SULT2B1: variants seen among roughly 807,000 people sequenced by gnomAD.
SULT2B1 encodes the protein sulfotransferase 2B1.
SULT2B1 carries 16 observed loss-of-function variants against 33.2 expected under a neutral mutation model. The observed-to-expected ratio is 0.48, with a 90% CI of 0.33 to 0.73. SULT2B1 has a LOEUF of 0.73. Among genes scored for constraint, SULT2B1 ranks in the 30% least tolerant of loss-of-function variants. The pLI is 0.02. For synonymous variants in SULT2B1, 186 were observed against 200.5 expected (o/e 0.93, Z 0.61); for missense variants, 500 against 506.0 (o/e 0.99, Z 0.11).
chr19:48,567,495 G>C (rs562092620), intron 1 of SULT2B1, among the ~76,000 whole-genome samples: 13 of 152,190 alleles, frequency 8.5e-5, no homozygotes, highest in African/African-American at 2.9e-4. Context: ...CCAGAAGGCA[G>C]AGGTTGCAGT....
chr19:48,576,173 G>A, intron 2 of SULT2B1, 90 bp downstream of exon 2: 1 of 1,238,088 alleles, frequency 8.1e-7, no homozygotes, highest in Non-Finnish European at 1.1e-6. Flanking sequence ...AAGGAGGGGA[G>A]GAGGAAAAGT....
At chr19:48,594,782 G>T (rs987211327) in intron 5 of SULT2B1, among the ~76,000 whole-genome samples, 2 of 152,220 alleles carry the variant, frequency 1.3e-5, no homozygotes, top group African/African-American at 4.8e-5. Context: ...ACTTTGGGAG[G>T]CCGAGGCAGG....
chr19:48,579,104 T>A (rs1025635481), intron 2 of SULT2B1, among the ~76,000 whole-genome samples: 1 of 152,032 alleles, frequency 6.6e-6, no homozygotes, highest in Non-Finnish European at 1.5e-5. Flanking sequence ...GAGCATCACG[T>A]TGTCAAGGTT....
rs1027668633 is a variant in SULT2B1, at chr19:48,587,372, C to T, written c.358C>T (p.Arg120Cys). Residue 120 changes from arginine (R) to cysteine (C), a missense_variant, in exon 3 of 7, where the codon CGC (arginine) becomes TGC (cysteine). Arg to Cys is a radical substitution (Grantham distance 180, BLOSUM62 -3). Coordinates refer to ENST00000201586, the MANE Select transcript of SULT2B1 (RefSeq NM_177973.2). Reference protein sequence around the residue: ...AFSLPDQYSPRLMSSHLPIQI... With the variant: ...AFSLPDQYSPCLMSSHLPIQI... ...CAGCCTCCCGGACCAGTACAGCCCC[C>T]GCCTCATGAGCTCCCATCTTCCCAT... is the stretch of plus-strand genomic sequence containing the variant. The T allele has an allele frequency of 7.4e-6, 12 of 1,613,958 alleles. No homozygotes were observed. Among genetic ancestry groups the T allele is most frequent in the East Asian group, 2.2e-5 (1 of 44,886 alleles).
At chr19:48,579,527 C>A (rs1275998379) in intron 2 of SULT2B1, among the ~76,000 whole-genome samples, 4 of 151,634 alleles carry the variant, frequency 2.6e-5, no homozygotes, top group Admixed American at 2.6e-4. Flanking sequence ...CATGATCCAC[C>A]CGTCTTGGCC....
chr19:48,586,643 G>A (rs1036841598), intron 2 of SULT2B1, among the ~76,000 whole-genome samples: 2 of 152,172 alleles, frequency 1.3e-5, no homozygotes, highest in Admixed American at 6.6e-5. Context: ...ATGGGGTTGG[G>A]TGGACAGCTC....
intron 1 of SULT2B1, among the ~76,000 whole-genome samples, chr19:48,566,850 A>AAAG (rs1291226326): frequency 3.3e-5 from 5 of 151,968 alleles, no homozygotes; most frequent in African/African-American, 1.2e-4. Flanking sequence ...AAAAAAAAAA[A>AAAG]AAATTAGAGG....
chr19:48,595,049 G>A (rs555776459), intron 5 of SULT2B1, among the ~76,000 whole-genome samples: 3 of 152,040 alleles, frequency 2.0e-5, no homozygotes, highest in South Asian at 2.1e-4. Flanking sequence ...TTGGGAGGCC[G>A]AAGTGAGCAG....
In SULT2B1 at chr19:48,599,300, C is replaced by T. The variant is rs1405985247; in HGVS notation, c.992C>T (p.Pro331Leu). The change falls in exon 7 of 7, where the codon CCC (proline) becomes CTC (leucine). Residue 331 changes from proline (P) to leucine (L), a missense_variant. Pro to Leu is a moderately conservative substitution (Grantham distance 98). Coordinates refer to ENST00000201586, the MANE Select transcript of SULT2B1 (RefSeq NM_177973.2). The surrounding 1 kb of genome is among the most constrained non-coding windows in gnomAD (Gnocchi z 4.1). ...PEPSPEPEPKPSLEPNTSLER... is the reference protein window; with the variant it reads ...PEPSPEPEPKLSLEPNTSLER... ...CCCAGCCCTGAGCCTGAGCCCAAGCCCAGCCTTGAGCCCAACACCAGCCTG... is the reference window on the plus strand; with the variant it reads ...CCCAGCCCTGAGCCTGAGCCCAAGCTCAGCCTTGAGCCCAACACCAGCCTG... The T allele has an allele frequency of 1.2e-6, 2 of 1,609,954 alleles. No homozygotes were observed. The highest frequency in any genetic ancestry group is 1.7e-6 in the Non-Finnish European group (2 of 1,178,350).
At chr19:48,581,474 T>TTTTTTTC (rs1973486699) in intron 2 of SULT2B1, among the ~76,000 whole-genome samples, 1 of 144,664 alleles carries the variant, frequency 6.9e-6, no homozygotes, top group African/African-American at 2.6e-5. Context: ...ATTTGAGAGT[T>TTTTTTTC]TTTTTTTTTT....
chr19:48,571,246 G>C (rs1478126313), intron 1 of SULT2B1, among the ~76,000 whole-genome samples: 1 of 150,880 alleles, frequency 6.6e-6, no homozygotes, highest in Non-Finnish European at 1.5e-5. Flanking sequence ...CCCCAGGCTG[G>C]AGTGCAGTGA....
intron 1 of SULT2B1, among the ~76,000 whole-genome samples, chr19:48,572,053 C>A (rs1973337109): frequency 6.6e-6 from 1 of 152,132 alleles, no homozygotes; most frequent in Non-Finnish European, 1.5e-5. Flanking sequence ...AGTCTAGGAT[C>A]ATGCATGTTC....
At chr19:48,577,382 T>TTTTTTTG (rs1163610936) in intron 2 of SULT2B1, among the ~76,000 whole-genome samples, 2 of 132,526 alleles carry the variant, frequency 1.5e-5, no homozygotes, top group African/African-American at 3.0e-5. Context: ...TTTTTTTTTT[T>TTTTTTTG]AGAGACAGAG....
rs1169633964 is a variant in SULT2B1 at position 48,593,909 on chromosome 19, G to C, written c.645+1093G>C. On this transcript the variant is annotated intron_variant, in intron 5 of 6. Transcript: ENST00000201586. ...TCGGCCTCCCAAAGTTTTTATATTT[G>C]GACCAGTTATATATTTATATAACTG... Among the ~76,000 whole-genome samples, 3 of 149,896 alleles carry C rather than the reference G, an allele frequency of 2.0e-5. No homozygotes were observed. The East Asian group carries it at 6.2e-4, about 31-fold the overall frequency.
intron 2 of SULT2B1, among the ~76,000 whole-genome samples, chr19:48,586,737 C>T (rs937180953): frequency 4.6e-5 from 7 of 152,254 alleles, no homozygotes; most frequent in South Asian, 2.1e-4. Context: ...TTTCTGGCTC[C>T]GAAAATGAGG....
At chr19:48,597,001 C>G in intron 6 of SULT2B1, 82 bp downstream of exon 6, 1 of 1,367,322 alleles carries the variant, frequency 7.3e-7, no homozygotes, top group South Asian at 1.4e-5. Context: ...CTCTCTGGGC[C>G]TCAGTTTCTC....
chr19:48,564,262 A>G (rs1232916689), intron 1 of SULT2B1, among the ~76,000 whole-genome samples: 1 of 151,244 alleles, frequency 6.6e-6, no homozygotes, highest in Non-Finnish European at 1.5e-5. Flanking sequence ...AAAAATAACA[A>G]TAAAAAATAG....
intron 3 of SULT2B1, 129 bp downstream of exon 3, chr19:48,587,566 A>C: frequency 9.6e-7 from 1 of 1,038,568 alleles, no homozygotes; most frequent in South Asian, 1.5e-5. Flanking sequence ...CCTGACTCTG[A>C]TCTAGCACAG....
intron 1 of SULT2B1, among the ~76,000 whole-genome samples, chr19:48,572,508 C>T (rs965832322): frequency 6.1e-5 from 7 of 113,990 alleles, no homozygotes; most frequent in Non-Finnish European, 1.5e-4. Context: ...AGCAAGACTC[C>T]ATCTCAAAAA....
Sources: gnomAD v4.1 joint callset for allele counts (sites outside exome capture counted in the v4.1 genomes callset) on GRCh38, gnomAD v4.1.1 for gene constraint, Gnocchi (gnomAD v3.1) non-coding constraint, MANE v1.5 for transcripts, NCBI Gene and HGNC (gene_info 2026-07-23, HGNC 2026-07-21) for gene names.